AFG2A: variants seen among roughly 807,000 people sequenced by gnomAD.
AFG2A encodes ATPase family gene 2 protein homolog A.
the AFG2A span, among the ~76,000 whole-genome samples, chr4:123,257,586 C>T: frequency 6.6e-6 from 1 of 152,246 alleles, no homozygotes; most frequent in South Asian, 2.1e-4. Flanking sequence ...GTGCGCTCAC[C>T]TTTAACTCCT....
At chr4:123,129,090 T>A in the AFG2A span, among the ~76,000 whole-genome samples, 1 of 152,238 alleles carries the variant, frequency 6.6e-6, no homozygotes, top group Non-Finnish European at 1.5e-5. Context: ...TTTTCATAAA[T>A]CTGCTCTGAT....
chr4:122,987,813 A>G, the AFG2A span, among the ~76,000 whole-genome samples: 1 of 151,902 alleles, frequency 6.6e-6, no homozygotes, highest in Non-Finnish European at 1.5e-5. Flanking sequence ...ATTTTTTTTT[A>G]ACTTTTACAC....
chr4:123,058,363 G>A, the AFG2A span, among the ~76,000 whole-genome samples: 3 of 152,240 alleles, frequency 2.0e-5, no homozygotes, highest in South Asian at 2.1e-4. Flanking sequence ...CGTGGCTCAC[G>A]CCTGTAATCC....
At chr4:123,133,914 T>C in the AFG2A span, among the ~76,000 whole-genome samples, 199 of 152,300 alleles carry the variant, frequency 1.3e-3, no homozygotes, top group African/African-American at 4.1e-3. Flanking sequence ...TGTTGGACTT[T>C]TGTGTATCTT....
the AFG2A span, among the ~76,000 whole-genome samples, chr4:122,949,348 TTGG>T: frequency 6.6e-6 from 1 of 152,128 alleles, no homozygotes; most frequent in Non-Finnish European, 1.5e-5. Flanking sequence ...TCTCACGTTG[TTGG>T]TGGTGGGAAA....
the AFG2A span, among the ~76,000 whole-genome samples, chr4:123,216,580 A>T: frequency 2.5e-3 from 380 of 152,224 alleles, 2 homozygotes; most frequent in Middle Eastern, 0.014. Context: ...ATAACACAAC[A>T]TTTATGTAAA....
the AFG2A span, among the ~76,000 whole-genome samples, chr4:123,016,807 G>A: frequency 2.8e-4 from 42 of 152,266 alleles, no homozygotes; most frequent in East Asian, 2.5e-3. Context: ...CTGAGATCAC[G>A]CCACTGCACT....
chr4:123,297,991 C>T, the AFG2A span, among the ~76,000 whole-genome samples: 4 of 152,218 alleles, frequency 2.6e-5, no homozygotes, highest in East Asian at 5.8e-4. Flanking sequence ...AACAATCGGC[C>T]TGACTCAGAT....
At chr4:123,277,320 C>T in the AFG2A span, among the ~76,000 whole-genome samples, 1 of 152,108 alleles carries the variant, frequency 6.6e-6, no homozygotes, top group Non-Finnish European at 1.5e-5. Context: ...GATTTTTGTA[C>T]ATTGATTTTG....
the AFG2A span, among the ~76,000 whole-genome samples, chr4:122,975,164 T>C: frequency 6.6e-6 from 1 of 152,148 alleles, no homozygotes; most frequent in Admixed American, 6.5e-5. Context: ...GGCTGGAAAG[T>C]CCAAGATCAA....
the AFG2A span, among the ~76,000 whole-genome samples, chr4:123,112,321 T>C: frequency 2.6e-5 from 4 of 152,316 alleles, no homozygotes; most frequent in African/African-American, 9.6e-5. Context: ...AATAATTGAG[T>C]TAAATTGTTA....
chr4:122,986,334 T>G, the AFG2A span, among the ~76,000 whole-genome samples: 2 of 152,204 alleles, frequency 1.3e-5, no homozygotes, highest in Non-Finnish European at 2.9e-5. Flanking sequence ...CTTTGTTGAC[T>G]TTCCGTCTTG....
At chr4:123,166,806 AT>A in the AFG2A span, among the ~76,000 whole-genome samples, 1 of 152,192 alleles carries the variant, frequency 6.6e-6, no homozygotes, top group Non-Finnish European at 1.5e-5. Context: ...ACTCTTCTTA[AT>A]TAACTATGTC....
At chr4:123,117,835 A>G in the AFG2A span, among the ~76,000 whole-genome samples, 1 of 150,592 alleles carries the variant, frequency 6.6e-6, no homozygotes, top group East Asian at 2.0e-4. Context: ...TCACCACCAA[A>G]AGTCCTTGGG....
the AFG2A span, among the ~76,000 whole-genome samples, chr4:123,091,917 A>G: frequency 1.1e-4 from 17 of 152,182 alleles, no homozygotes. Context: ...CTTCCTGTGT[A>G]CATATACACA....
chr4:123,255,485 ACT>A, the AFG2A span, among the ~76,000 whole-genome samples: 2 of 138,488 alleles, frequency 1.4e-5, no homozygotes, highest in South Asian at 2.3e-4. Context: ...GCAGAGTGAG[ACT>A]CTGTCTCAAA....
At chr4:123,283,109 C>A in the AFG2A span, among the ~76,000 whole-genome samples, 1 of 152,084 alleles carries the variant, frequency 6.6e-6, no homozygotes, top group African/African-American at 2.4e-5. Context: ...AGAAGTCTTT[C>A]TATATTCACC....
At chr4:123,275,334 G>T in the AFG2A span, among the ~76,000 whole-genome samples, 1 of 152,122 alleles carries the variant, frequency 6.6e-6, no homozygotes, top group African/African-American at 2.4e-5. Flanking sequence ...CTCGTGTTTG[G>T]TTTGTTCTTT....
the AFG2A span, among the ~76,000 whole-genome samples, chr4:122,950,069 C>G: frequency 2.0e-5 from 3 of 152,324 alleles, no homozygotes; most frequent in African/African-American, 7.2e-5. Flanking sequence ...TACCTGTATC[C>G]TGATGGTCGT....
Sources: allele counts gnomAD v4.1 joint callset (sites outside exome capture counted in the v4.1 genomes callset), GRCh38; gene constraint gnomAD v4.1.1; transcripts MANE v1.5; gene names NCBI Gene and HGNC (gene_info 2026-07-23, HGNC 2026-07-21).